EXOC2: variants seen among roughly 807,000 people sequenced by gnomAD.
EXOC2 encodes the protein SEC5-like 1.
EXOC2 carries 70 observed loss-of-function variants against 131.8 expected under a neutral mutation model. That is an observed-to-expected ratio of 0.53 (90% CI 0.44 to 0.65). EXOC2 has a LOEUF of 0.65. Among genes scored for constraint, EXOC2 ranks in the 30% least tolerant of loss-of-function variants. EXOC2 has a pLI of 0.00. For missense variants in EXOC2, 923 were observed against 1,108.6 expected (o/e 0.83, Z 2.38); for synonymous variants, 411 against 398.4 (o/e 1.03, Z -0.38).
intron 13 of EXOC2, among the ~76,000 whole-genome samples, chr6:571,252 C>T (rs530934675): frequency 6.6e-6 from 1 of 152,298 alleles, no homozygotes; most frequent in African/African-American, 2.4e-5. Flanking sequence ...TATAAAGTAA[C>T]TGATAACTGA....
At chr6:516,777 TTAGA>T (rs1311185826) in intron 23 of EXOC2, among the ~76,000 whole-genome samples, 2 of 152,182 alleles carry the variant, frequency 1.3e-5, no homozygotes, top group East Asian at 3.9e-4. Context: ...CCCTCCATAA[TTAGA>T]TAAACAAAAC....
chr6:486,606 G>GTACTT lies in EXOC2; in HGVS notation c.*60_*64dup. 2.2e-6 allele frequency: 3 copies of GTACTT among 1,379,542 alleles called. No homozygotes were observed. The South Asian group carries it at 3.5e-5, about 16-fold the overall frequency. 85.5% of individuals were successfully genotyped at this position (1,379,542 alleles called of 1,614,324 possible). On this transcript the variant is annotated 3_prime_UTR_variant, in exon 28 of 28. Coordinates refer to ENST00000230449, the MANE Select transcript of EXOC2 (RefSeq NM_018303.6). ...GTTTAATACACCAAATACCTTTAGGGTACTTAGAGAGTGAACAGTCTTATT... is the reference window on the plus strand; with the variant it reads ...GTTTAATACACCAAATACCTTTAGGGTACTTTACTTAGAGAGTGAACAGTCTTATT...
intron 1 of EXOC2, among the ~76,000 whole-genome samples, chr6:641,001 A>T (rs1762328269): frequency 6.6e-6 from 1 of 152,180 alleles, no homozygotes; most frequent in African/African-American, 2.4e-5. Flanking sequence ...CAAGAATAAA[A>T]GCTCTTGAAA....
chr6:610,153 A>G lies in EXOC2; in HGVS notation c.687T>C (p.Asp229=). ...TGGATCCTTCTACTTTTTCCGTTCC[A>G]TCTGCTTCTAGTTTTTGATGGATGG... ...LSAIHQKLEA[D]GTEKVEGSMT... Residue 229 remains aspartate (D), a synonymous_variant, in exon 7 of 28, where the codon GAT becomes GAC. Coordinates refer to ENST00000230449, the MANE Select transcript of EXOC2 (RefSeq NM_018303.6). 1 of 1,613,958 alleles carries G rather than the reference A, an allele frequency of 6.2e-7. No individual in the cohort carries two copies. Among genetic ancestry groups the G allele is most frequent in the Admixed American group, 1.7e-5 (1 of 60,016 alleles).
In EXOC2 at chr6:501,157, CTATATATATTA is replaced by C; in HGVS notation, c.2381-1468_2381-1458del. ...ATATATCTATATATATTATATATATCTATATATATTATATATATCTATATATTATATATATC... is the reference window on the plus strand; with the variant it reads ...ATATATCTATATATATTATATATATCTATATATCTATATATTATATATATC... On this transcript the variant is annotated intron_variant, in intron 23 of 27. Transcript: ENST00000230449. Among the ~76,000 whole-genome samples, 50 of 30,998 alleles carry C rather than the reference CTATATATATTA, an allele frequency of 1.6e-3. 14 individuals are homozygous for C. Among genetic ancestry groups the C allele is most frequent in the South Asian group, 2.0e-3 (2 of 982 alleles). The allele number at this position is 30,998 out of a possible 152,430, so 20.3% of individuals were successfully genotyped here. A position where few individuals can be genotyped will look rare whatever the true frequency, so the allele number is the denominator to read the frequency against.
intron 26 of EXOC2, among the ~76,000 whole-genome samples, chr6:490,578 A>C (rs115874035): frequency 0.015 from 2,278 of 152,328 alleles, 38 homozygotes; most frequent in South Asian, 0.08. Flanking sequence ...CAAACATTTC[A>C]TTTGCATACG....
intron 1 of EXOC2, among the ~76,000 whole-genome samples, chr6:677,940 A>T (rs934007103): frequency 1.8e-3 from 278 of 151,406 alleles, no homozygotes; most frequent in Admixed American, 2.2e-3. Context: ...TCTCTCACAC[A>T]CACACACACA....
intron 6 of EXOC2, among the ~76,000 whole-genome samples, chr6:613,930 C>T (rs55698539): frequency 0.11 from 17,032 of 151,668 alleles, 1,167 homozygotes; most frequent in East Asian, 0.15. Context: ...AAAAATCCTG[C>T]CACATGTAGC....
At chr6:664,749 A>C (rs181199724) in intron 1 of EXOC2, among the ~76,000 whole-genome samples, 5 of 152,338 alleles carry the variant, frequency 3.3e-5, no homozygotes, top group Non-Finnish European at 2.9e-5. Flanking sequence ...TAGGAGAATA[A>C]AACTGGATCC....
At chr6:558,267 C>T (rs1319674077) in intron 17 of EXOC2, among the ~76,000 whole-genome samples, 2 of 152,106 alleles carry the variant, frequency 1.3e-5, no homozygotes, top group African/African-American at 4.8e-5. Context: ...TATTTCTGCA[C>T]TTTGAAACCA....
chr6:600,851 C>G (rs1017040090), intron 7 of EXOC2, among the ~76,000 whole-genome samples: 1 of 152,078 alleles, frequency 6.6e-6, no homozygotes, highest in Non-Finnish European at 1.5e-5. Flanking sequence ...TGAATACTGA[C>G]AAATTATAAG....
chr6:654,324 A>G (rs1184629256), intron 1 of EXOC2, among the ~76,000 whole-genome samples: 10 of 152,186 alleles, frequency 6.6e-5, no homozygotes, highest in Non-Finnish European at 1.5e-4. Flanking sequence ...AACTTTCTGG[A>G]AAGGATTCAT....
chr6:646,070 AT>A (rs1762566527), intron 1 of EXOC2, among the ~76,000 whole-genome samples: 1 of 152,170 alleles, frequency 6.6e-6, no homozygotes, highest in South Asian at 2.1e-4. Context: ...TGTTGATTTG[AT>A]TTGGGTTATG....
chr6:576,739 G>A lies in EXOC2; in HGVS notation c.1318+18C>T. On this transcript the variant is annotated intron_variant, in intron 12 of 27. Coordinates refer to ENST00000230449, the MANE Select transcript of EXOC2 (RefSeq NM_018303.6). Reference sequence around the variant, plus strand: ...TACAAATTTAAAAGACCCAGTGGCAGTGGAGGGAGATACTTACTGTCGTCT... The same window carrying A: ...TACAAATTTAAAAGACCCAGTGGCAATGGAGGGAGATACTTACTGTCGTCT... 6.2e-7 allele frequency: 1 copy of A among 1,611,498 alleles called. No homozygotes were observed. Among genetic ancestry groups the A allele is most frequent in the Non-Finnish European group, 8.5e-7 (1 of 1,178,912 alleles).
intron 22 of EXOC2, among the ~76,000 whole-genome samples, chr6:545,968 C>T (rs1756829260): frequency 6.6e-6 from 1 of 152,008 alleles, no homozygotes; most frequent in African/African-American, 2.4e-5. Flanking sequence ...CAAATGAATT[C>T]AGAAAAATGT....
At chr6:672,190 T>C (rs2127778575) in intron 1 of EXOC2, among the ~76,000 whole-genome samples, 1 of 152,356 alleles carries the variant, frequency 6.6e-6, no homozygotes, top group East Asian at 1.9e-4. Context: ...TCACTGATTC[T>C]TTCCTCAGCT....
chr6:656,639 C>T (rs780737081), intron 1 of EXOC2: 15 of 1,606,694 alleles, frequency 9.3e-6, no homozygotes, highest in African/African-American at 1.3e-5. Flanking sequence ...GGGTCAGCTG[C>T]AGCTTCAGGG....
At chr6:626,912 T>C (rs1429137252) in intron 4 of EXOC2, among the ~76,000 whole-genome samples, 1 of 152,142 alleles carries the variant, frequency 6.6e-6, no homozygotes, top group East Asian at 1.9e-4. Context: ...TTTAAGTATG[T>C]TTCCACAAAC....
chr6:656,133 A>C, intron 1 of EXOC2: 1 of 1,612,174 alleles, frequency 6.2e-7, no homozygotes, highest in South Asian at 1.1e-5. Flanking sequence ...GAAATACTGA[A>C]GAGAGACATC....
Sources: gnomAD v4.1 joint callset for allele counts (sites outside exome capture counted in the v4.1 genomes callset) on GRCh38, gnomAD v4.1.1 for gene constraint, MANE v1.5 for transcripts, NCBI Gene and HGNC (gene_info 2026-07-23, HGNC 2026-07-21) for gene names.